The following PLN variants were observed in gnomAD, a reference collection of about 807,000 sequenced individuals.
PLN encodes the protein phospholamban.
PLN carries 1 observed loss-of-function variant against 3.9 expected under a neutral mutation model. That is an observed-to-expected ratio of 0.26 (90% CI 0.09 to 1.23). The LOEUF (loss-of-function observed/expected upper bound fraction) is 1.23, where lower values mean the gene tolerates loss of function less well. Among genes scored for constraint, PLN ranks in the 50% most tolerant of loss-of-function variants. The pLI is 0.48. For missense variants in PLN, 59 were observed against 62.7 expected, an observed-to-expected ratio of 0.94 and a Z score of 0.20; for synonymous variants, 21 against 20.5, an observed-to-expected ratio of 1.02 and a Z score of -0.07.
rs1228966867 is a variant in PLN at position 118,560,681 on chromosome 6, T to C, written c.*1601T>C. ...TTGCAGTCCACTCTACTGAGCTAAA[T>C]TATAGATCCAGCTATGCTATTTATA... On this transcript the variant is annotated 3_prime_UTR_variant, in exon 2 of 2. Coordinates refer to ENST00000357525, the MANE Select transcript of PLN (RefSeq NM_002667.5). The C allele has an allele frequency of 6.0e-6, 1 of 166,784 alleles. No individual in the cohort carries two copies. 10.3% of individuals were successfully genotyped at this position (166,784 alleles called of 1,614,324 possible).
chr6:118,551,044 C>T (rs929960442), intron 1 of PLN, among the ~76,000 whole-genome samples: 2 of 151,878 alleles, frequency 1.3e-5, no homozygotes, highest in Admixed American at 1.3e-4. Context: ...TGTTTCATTG[C>T]TAAAATACTC....
rs1779204981 is a variant in PLN at position 118,561,234 on chromosome 6, A to G, written c.*2154A>G. Among the ~76,000 whole-genome samples the G allele has an allele frequency of 6.6e-6, 1 of 152,168 alleles. No homozygotes were observed. Among genetic ancestry groups the G allele is most frequent in the Non-Finnish European group, 1.5e-5 (1 of 68,020 alleles). ...CTTATAAACAACAGGTGATACACTCACCTCACTGGTTTTAGTAAATTACCA... is the reference window on the plus strand; with the variant it reads ...CTTATAAACAACAGGTGATACACTCGCCTCACTGGTTTTAGTAAATTACCA... On this transcript the variant is annotated 3_prime_UTR_variant, in exon 2 of 2. Transcript: ENST00000357525.
At chr6:118,550,790 A>C (rs1778495156) in intron 1 of PLN, among the ~76,000 whole-genome samples, 1 of 151,976 alleles carries the variant, frequency 6.6e-6, no homozygotes, top group Admixed American at 6.6e-5. Context: ...AGGCAAATTC[A>C]GAGAATACAA....
chr6:118,549,587 TAA>T (rs955669198), intron 1 of PLN, among the ~76,000 whole-genome samples: 5 of 151,818 alleles, frequency 3.3e-5, no homozygotes, highest in Admixed American at 1.3e-4. Flanking sequence ...CAGCTTTCCT[TAA>T]GACATAAAAA....
intron 1 of PLN, among the ~76,000 whole-genome samples, chr6:118,554,461 TA>T: frequency 6.6e-6 from 1 of 152,326 alleles, no homozygotes; most frequent in East Asian, 1.9e-4. Context: ...GCATTATTTT[TA>T]ATTAACAATT....
At position 118,559,863 on chromosome 6, in the gene PLN, T is replaced by C. The variant is rs563461651; in HGVS notation, c.*783T>C. 1.2e-5 allele frequency: 2 copies of C among 167,306 alleles called. No individual in the cohort carries two copies. The highest frequency in any genetic ancestry group is 3.9e-4 in the East Asian group (2 of 5,192). 10.4% of individuals were successfully genotyped at this position (167,306 alleles called of 1,614,324 possible). A position where few individuals can be genotyped will look rare whatever the true frequency, so the allele number is the denominator to read the frequency against. ...ATATGTGACAGTGAGATTAGTCATA[T>C]CACTAATATACTAACAACAGAATCT... On this transcript the variant is annotated 3_prime_UTR_variant, in exon 2 of 2. Transcript: ENST00000357525.
At chr6:118,551,826 AG>A (rs1262318142) in intron 1 of PLN, among the ~76,000 whole-genome samples, 4 of 152,050 alleles carry the variant, frequency 2.6e-5, no homozygotes, top group African/African-American at 9.6e-5. Context: ...AACTTCAAAT[AG>A]AATGTCCAAG....
At chr6:118,549,036 T>A (rs192001011) in intron 1 of PLN, among the ~76,000 whole-genome samples, 139 of 152,054 alleles carry the variant, frequency 9.1e-4, no homozygotes, top group Non-Finnish European at 1.9e-3. Flanking sequence ...ATAAATTGAG[T>A]TACTGATATT....
intron 1 of PLN, among the ~76,000 whole-genome samples, chr6:118,548,896 T>C (rs554029440): frequency 6.6e-6 from 1 of 151,992 alleles, no homozygotes; most frequent in Non-Finnish European, 1.5e-5. Context: ...CATAATTTCA[T>C]ACAGTGAATA....
At chr6:118,550,279 AAAT>A (rs1395331154) in intron 1 of PLN, among the ~76,000 whole-genome samples, 92 of 151,830 alleles carry the variant, frequency 6.1e-4, no homozygotes, top group Non-Finnish European at 1.5e-4. Context: ...TGAGATTAAG[AAAT>A]AATAAAATAT....
intron 1 of PLN, among the ~76,000 whole-genome samples, chr6:118,554,984 T>C (rs1778767271): frequency 6.6e-6 from 1 of 152,222 alleles, no homozygotes; most frequent in Non-Finnish European, 1.5e-5. Flanking sequence ...ACTCCCTCCT[T>C]TCCCATGTTT....
chr6:118,549,281 G>A (rs1778394930), intron 1 of PLN, among the ~76,000 whole-genome samples: 1 of 151,620 alleles, frequency 6.6e-6, no homozygotes, highest in South Asian at 2.1e-4. Context: ...CTCGGATTTA[G>A]AAAGAAAGGA....
Position 118,559,049 on chromosome 6 carries a change from T to G in PLN, c.128T>G (p.Leu43Trp). Residue 43 changes from leucine (L) to tryptophan (W), a missense_variant, in exon 2 of 2, where the codon TTG becomes TGG. Physicochemically the swap from Leu to Trp is moderately conservative, Grantham distance 61. Coordinates refer to ENST00000357525, the MANE Select transcript of PLN (RefSeq NM_002667.5). ...INFCLILICL[L>W]LICIIVMLL The stretch of plus-strand genomic sequence containing the variant: ...TTCTGTCTCATCTTAATATGTCTCT[T>G]GCTGATCTGTATCATCGTGATGCTT... The G allele has an allele frequency of 1.2e-6, 2 of 1,611,786 alleles. No homozygotes were observed. The highest frequency in any genetic ancestry group is 1.7e-6 in the Non-Finnish European group (2 of 1,177,814).
chr6:118,549,762 A>T (rs542012453), intron 1 of PLN, among the ~76,000 whole-genome samples: 4 of 151,880 alleles, frequency 2.6e-5, no homozygotes, highest in African/African-American at 9.6e-5. Flanking sequence ...CACACTTCAA[A>T]TTGGGTGTTC....
chr6:118,552,648 A>T (rs2114936091), intron 1 of PLN, among the ~76,000 whole-genome samples: 1 of 151,598 alleles, frequency 6.6e-6, no homozygotes, highest in Non-Finnish European at 1.5e-5. Flanking sequence ...CCAGAATACC[A>T]TCTTGAACTT....
chr6:118,554,864 G>C (rs893095432), intron 1 of PLN, among the ~76,000 whole-genome samples: 1 of 152,150 alleles, frequency 6.6e-6, no homozygotes, highest in Non-Finnish European at 1.5e-5. Context: ...TCACAAAAGG[G>C]AATGGAGTAT....
At chr6:118,553,692 A>G (rs977912700) in intron 1 of PLN, among the ~76,000 whole-genome samples, 2 of 152,192 alleles carry the variant, frequency 1.3e-5, no homozygotes, top group Non-Finnish European at 2.9e-5. Flanking sequence ...TTCTTTTTCA[A>G]TAACAGTTAG....
At position 118,561,227 on chromosome 6, in the gene PLN, T is replaced by C. The variant is rs1320519305; in HGVS notation, c.*2147T>C. On this transcript the variant is annotated 3_prime_UTR_variant, in exon 2 of 2. Coordinates refer to ENST00000357525, the MANE Select transcript of PLN (RefSeq NM_002667.5). ...TAGAAAGCTTATAAACAACAGGTGA[T>C]ACACTCACCTCACTGGTTTTAGTAA... is the stretch of plus-strand genomic sequence containing the variant. Among the ~76,000 whole-genome samples, 1 of 152,190 alleles carries C rather than the reference T, an allele frequency of 6.6e-6. No homozygotes were observed.
chr6:118,550,703 G>T (rs1778490855), intron 1 of PLN, among the ~76,000 whole-genome samples: 1 of 151,830 alleles, frequency 6.6e-6, no homozygotes, highest in Non-Finnish European at 1.5e-5. Context: ...GATCAGCATG[G>T]CTTAAAGTAA....
Sources: allele counts gnomAD v4.1 joint callset (sites outside exome capture counted in the v4.1 genomes callset), GRCh38; gene constraint gnomAD v4.1.1; transcripts MANE v1.5; gene names NCBI Gene and HGNC (gene_info 2026-07-23, HGNC 2026-07-21).